The following TBC1D7 variants were observed in gnomAD, a reference collection of about 807,000 sequenced individuals.
The protein encoded by TBC1D7 is TBC1 domain family member 7, also known as TBC domain family 7.
Under a neutral mutation model 35.3 loss-of-function variants are expected in TBC1D7, and 33 were observed. The observed-to-expected ratio is 0.93, with a 90% CI of 0.71 to 1.25. TBC1D7 has a LOEUF of 1.25. TBC1D7 is among the 50% of genes most tolerant of loss of function. TBC1D7 has a pLI of 0.00. For synonymous variants in TBC1D7, 135 were observed against 129.5 expected (o/e 1.04, Z -0.29); for missense variants, 362 against 365.3 (o/e 0.99, Z 0.07).
chr6:13,312,405 G>C (rs1409542035), intron 5 of TBC1D7, among the ~76,000 whole-genome samples: 2 of 152,136 alleles, frequency 1.3e-5, no homozygotes, highest in Non-Finnish European at 2.9e-5. Flanking sequence ...TGAGAAAACA[G>C]GCCAGGCGTG....
intron 5 of TBC1D7, among the ~76,000 whole-genome samples, chr6:13,315,790 TTCCAG>T (rs1316871026): frequency 2.6e-5 from 4 of 152,232 alleles, no homozygotes; most frequent in Admixed American, 2.6e-4. Flanking sequence ...TCAGTAAGGC[TTCCAG>T]TCAACAGTAG....
At chr6:13,325,491 C>T (rs1278602724) in intron 2 of TBC1D7, among the ~76,000 whole-genome samples, 2 of 152,028 alleles carry the variant, frequency 1.3e-5, no homozygotes, top group African/African-American at 4.8e-5. Flanking sequence ...GGCAAAACAC[C>T]ATCTCTACTA....
At chr6:13,321,865 GA>G (rs1003289188) in intron 3 of TBC1D7, among the ~76,000 whole-genome samples, 12 of 150,618 alleles carry the variant, frequency 8.0e-5, no homozygotes, top group East Asian at 3.9e-4. Flanking sequence ...AACCCCAAGA[GA>G]AAAAAAAATG....
intron 5 of TBC1D7, 136 bp downstream of exon 5, chr6:13,316,435 A>C: frequency 1.1e-6 from 1 of 941,218 alleles, no homozygotes. Flanking sequence ...ATGGACTTTT[A>C]CAGAAAACGC....
intron 3 of TBC1D7, among the ~76,000 whole-genome samples, chr6:13,323,051 T>C (rs961299009): frequency 1.3e-5 from 2 of 152,008 alleles, no homozygotes; most frequent in Non-Finnish European, 2.9e-5. Context: ...AAAATAACTA[T>C]GACATGATAA....
At chr6:13,327,224 T>C (rs1463012328) in intron 1 of TBC1D7, among the ~76,000 whole-genome samples, 1 of 152,178 alleles carries the variant, frequency 6.6e-6, no homozygotes, top group Non-Finnish European at 1.5e-5. Flanking sequence ...TCTGTAGCTA[T>C]TATAAATGCG....
At chr6:13,321,178 G>C (rs548982493) in intron 3 of TBC1D7, 83 bp from the exon 4 acceptor site, 1 of 1,195,306 alleles carries the variant, frequency 8.4e-7, no homozygotes, top group African/African-American at 1.5e-5. Flanking sequence ...AGGATGCCGT[G>C]AGAAGCGACC....
intron 6 of TBC1D7, chr6:13,306,762 C>T (rs1782836355): frequency 7.1e-6 from 2 of 283,244 alleles, no homozygotes; most frequent in Admixed American, 5.0e-5. Flanking sequence ...AATTACTGCT[C>T]CACTAGGAAT....
chr6:13,309,576 T>C (rs1235817525), intron 5 of TBC1D7, among the ~76,000 whole-genome samples: 1 of 152,198 alleles, frequency 6.6e-6, no homozygotes, highest in East Asian at 1.9e-4. Flanking sequence ...TTTCCTGGTT[T>C]ATTATAGCCT....
At position 13,305,062 on chromosome 6, in the gene TBC1D7, T is replaced by C. The variant is rs757253710; in HGVS notation, c.*39A>G. 31 of 1,508,262 alleles carry C rather than the reference T, an allele frequency of 2.1e-5. No homozygotes were observed. Among genetic ancestry groups the C allele is most frequent in the Non-Finnish European group, 2.6e-5 (29 of 1,103,432 alleles). The allele number at this position is 1,508,262 out of a possible 1,614,324, so 93.4% of individuals were successfully genotyped here. On this transcript the variant is annotated 3_prime_UTR_variant, in exon 8 of 8. Coordinates refer to ENST00000379300, the MANE Select transcript of TBC1D7 (RefSeq NM_016495.6). ...CACATGCCAAGAACACAATGCTCACTGTGGTGCCTGGCAGACGGTCCACAA... is the reference window on the plus strand; with the variant it reads ...CACATGCCAAGAACACAATGCTCACCGTGGTGCCTGGCAGACGGTCCACAA...
rs1203246509 is a variant in TBC1D7, at chr6:13,306,478, C to T, written c.715G>A (p.Ala239Thr). 4.3e-6 allele frequency: 7 copies of T among 1,609,758 alleles called. No homozygotes were observed. The Admixed American group carries it at 8.5e-5, about 19-fold the overall frequency. The change falls in exon 7 of 8, where the codon GCT (alanine) becomes ACT (threonine). Residue 239 changes from alanine (A) to threonine (T), a missense_variant. Coordinates refer to ENST00000379300, the MANE Select transcript of TBC1D7 (RefSeq NM_016495.6). Reference protein sequence around the residue: ...SGSCKILVFVAVEILLTFKIK... With the variant: ...SGSCKILVFVTVEILLTFKIK... ...TTAAAGGTTAATAAAATTTCGACAG[C>T]TACAAAAACTAGGATCTTACAGGAT...
In TBC1D7 at chr6:13,326,918, C is replaced by A. The variant is rs1443826442; in HGVS notation, c.-8-12G>T. 2 of 1,464,904 alleles carry A rather than the reference C, an allele frequency of 1.4e-6. No homozygotes were observed. The highest frequency in any genetic ancestry group is 1.9e-6 in the Non-Finnish European group (2 of 1,056,570). The allele number at this position is 1,464,904 out of a possible 1,614,324, so 90.7% of individuals were successfully genotyped here. On this transcript the variant is annotated splice_polypyrimidine_tract_variant and intron_variant, in intron 1 of 7. Coordinates refer to ENST00000379300, the MANE Select transcript of TBC1D7 (RefSeq NM_016495.6). ...AGTCATATTTCATTCTTGGAGGAGA[C>A]ACAGAAAGACAGAAAGGGAGAGAAA...
rs373891168 is a variant in TBC1D7 at position 13,324,220 on chromosome 6, C to T, written c.193+874G>A. Among the ~76,000 whole-genome samples, 34 of 152,086 alleles carry T rather than the reference C, an allele frequency of 2.2e-4. No homozygotes were observed. In the East Asian group the frequency reaches 5.4e-3, roughly 24 times the overall value. ...TCGTCTCACTGCAACCTCTGCCTCCCGGGTTCAAGCGATTCTCCTTCCTCA... is the reference window on the plus strand; with the variant it reads ...TCGTCTCACTGCAACCTCTGCCTCCTGGGTTCAAGCGATTCTCCTTCCTCA... On this transcript the variant is annotated intron_variant, in intron 3 of 7. Transcript: ENST00000379300.
intron 5 of TBC1D7, among the ~76,000 whole-genome samples, chr6:13,309,645 A>G (rs1783055703): frequency 6.6e-6 from 1 of 152,370 alleles, no homozygotes. Context: ...AGCAAGTATA[A>G]TCACACTCCC....
rs753402172 is a variant in TBC1D7, at chr6:13,321,093, T to C, written c.196A>G (p.Ile66Val). The C allele has an allele frequency of 1.3e-5, 21 of 1,608,232 alleles. No individual in the cohort carries two copies. In the Admixed American group the frequency reaches 1.3e-4, roughly 10 times the overall value. Reference protein sequence around the residue: ...RALVWKVLLGILPPHHESHAK... With the variant: ...RALVWKVLLGVLPPHHESHAK... ...TGGGACTCGTGGTGTGGAGGCAAGA[T>C]TCCTAGAGAGAACAGGAAAAACGAA... is the stretch of plus-strand genomic sequence containing the variant. The change falls in exon 4 of 8, where the codon ATC becomes GTC. Residue 66 changes from isoleucine (I) to valine (V), a missense_variant and splice_region_variant. Physicochemically the swap from Ile to Val is conservative, Grantham distance 29. Transcript: ENST00000379300.
At chr6:13,324,308 T>C (rs1465035755) in intron 3 of TBC1D7, among the ~76,000 whole-genome samples, 1 of 152,120 alleles carries the variant, frequency 6.6e-6, no homozygotes, top group African/African-American at 2.4e-5. Flanking sequence ...TTTGTATTTT[T>C]AGTAGAGAGG....
chr6:13,316,026 C>T (rs560265464), intron 5 of TBC1D7, among the ~76,000 whole-genome samples: 139 of 152,298 alleles, frequency 9.1e-4, no homozygotes, highest in Non-Finnish European at 9.1e-4. Context: ...ACGTCATGGC[C>T]GCTGGTCCAA....
rs761889316 is a variant in TBC1D7 at position 13,307,756 on chromosome 6, A to G, written c.520-11T>C. On this transcript the variant is annotated splice_polypyrimidine_tract_variant and intron_variant, in intron 5 of 7. Transcript: ENST00000379300. ...TTCAAACGCTTTTGGCTAAAGATTA[A>G]GCAAGAACAGAGATTATTCATTTTC... 8 of 1,610,684 alleles carry G rather than the reference A, an allele frequency of 5.0e-6. No homozygotes were observed. Among genetic ancestry groups the G allele is most frequent in the South Asian group, 4.4e-5 (4 of 90,826 alleles).
intron 5 of TBC1D7, among the ~76,000 whole-genome samples, chr6:13,313,562 C>T (rs993806885): frequency 1.2e-4 from 18 of 147,914 alleles, no homozygotes; most frequent in African/African-American, 4.3e-4. Context: ...TAGAGAGATA[C>T]GCATACACAC....
Sources: allele counts gnomAD v4.1 joint callset (sites outside exome capture counted in the v4.1 genomes callset), GRCh38; gene constraint gnomAD v4.1.1; transcripts MANE v1.5; gene names NCBI Gene and HGNC (gene_info 2026-07-23, HGNC 2026-07-21).